Variants in CFAP58 observed in about 807,000 individuals in gnomAD.
CFAP58 encodes the protein cilia and flagella associated protein 58.
In CFAP58, 88 loss-of-function variants were observed where a neutral mutation model predicts 119.5. The observed-to-expected ratio is 0.74, with a 90% CI of 0.62 to 0.88. CFAP58 has a LOEUF of 0.88. CFAP58 is among the 40% of genes least tolerant of loss of function. The probability of loss-of-function intolerance (pLI) is 0.00; values close to 1 mark genes in which losing one functional copy is unlikely to be tolerated. For missense variants in CFAP58, 990 were observed against 1,021.2 expected, an observed-to-expected ratio of 0.97 and a Z score of 0.42; for synonymous variants, 365 against 366.3, an observed-to-expected ratio of 1.00 and a Z score of 0.04.
At chr10:104,383,230 C>T (rs575283739) in intron 9 of CFAP58, among the ~76,000 whole-genome samples, 18 of 152,220 alleles carry the variant, frequency 1.2e-4, no homozygotes, top group African/African-American at 3.1e-4. Context: ...CTTGTCACTT[C>T]GTACTTTTAT....
intron 9 of CFAP58, chr10:104,382,321 G>A: frequency 1.7e-6 from 1 of 602,492 alleles, no homozygotes; most frequent in Non-Finnish European, 3.1e-6. Flanking sequence ...GAGGGGCCCT[G>A]TAGGGTGAGG....
In CFAP58 at chr10:104,454,511, C is replaced by T. The variant is rs546709197; in HGVS notation, c.2600C>T (p.Ser867Leu). ...ACTGGGGGCGGATTTCCTCTCAGGT[C>T]AACCAAAATGACGTTCTAACCTGAA... ...GFTGGGFPLR[S>L]TKMTF is the part of the protein sequence containing the mutation. Residue 867 changes from serine to leucine, a missense_variant, in exon 18 of 18, where the codon TCA (serine) becomes TTA (leucine). Physicochemically the swap from Ser to Leu is moderately radical, Grantham distance 145. Transcript: ENST00000369704. The T allele has an allele frequency of 8.1e-6, 13 of 1,613,424 alleles. No homozygotes were observed. The highest frequency in any genetic ancestry group is 1.1e-5 in the Non-Finnish European group (13 of 1,179,576).
intron 15 of CFAP58, among the ~76,000 whole-genome samples, chr10:104,427,749 C>A (rs1233499946): frequency 6.6e-6 from 1 of 152,176 alleles, no homozygotes; most frequent in Non-Finnish European, 1.5e-5. Context: ...AGAACATTAT[C>A]TTTGCCCCTT....
intron 9 of CFAP58, among the ~76,000 whole-genome samples, chr10:104,390,391 A>G (rs1325227200): frequency 2.0e-5 from 3 of 152,200 alleles, no homozygotes; most frequent in East Asian, 3.8e-4. Flanking sequence ...CCATTTGGCT[A>G]AAAAGTAAAA....
chr10:104,425,774 G>A (rs1054688680), intron 15 of CFAP58, among the ~76,000 whole-genome samples: 3 of 152,188 alleles, frequency 2.0e-5, no homozygotes, highest in South Asian at 2.1e-4. Flanking sequence ...GACATTAGCC[G>A]TTCAAGAGTG....
At chr10:104,414,180 T>G (rs2133059232) in intron 15 of CFAP58, among the ~76,000 whole-genome samples, 1 of 152,272 alleles carries the variant, frequency 6.6e-6, no homozygotes, top group Admixed American at 6.5e-5. Flanking sequence ...TGTCAAATCT[T>G]TAATTTTTAA....
intron 15 of CFAP58, among the ~76,000 whole-genome samples, chr10:104,419,141 A>G (rs183399758): frequency 4.6e-5 from 7 of 152,252 alleles, no homozygotes; most frequent in Admixed American, 2.0e-4. Flanking sequence ...TTTCCTGCAC[A>G]TGCTTCTGCC....
rs2014641847 is a variant in CFAP58 at position 104,359,745 on chromosome 10, A to G, written c.291+1123A>G. Among the ~76,000 whole-genome samples the G allele has an allele frequency of 1.3e-5, 2 of 152,238 alleles. 1 individual carries two copies. The highest frequency in any genetic ancestry group is 4.1e-4 in the South Asian group (2 of 4,830). ...CAGGAGGTGGAGGTTGCAGTGAGCCAAGATTGTGCCACTGCACTCCAGCCT... is the reference window on the plus strand; with the variant it reads ...CAGGAGGTGGAGGTTGCAGTGAGCCGAGATTGTGCCACTGCACTCCAGCCT... On this transcript the variant is annotated intron_variant, in intron 2 of 17. Coordinates refer to ENST00000369704, the MANE Select transcript of CFAP58 (RefSeq NM_001008723.2).
At position 104,380,081 on chromosome 10, in the gene CFAP58, T is replaced by C; in HGVS notation, c.1226T>C (p.Leu409Pro). Residue 409 changes from leucine (L) to proline (P), a missense_variant, in exon 9 of 18, where the codon CTC (leucine) becomes CCC (proline). Physicochemically the swap from Leu to Pro is moderately conservative, Grantham distance 98 (BLOSUM62 -3). Transcript: ENST00000369704. ...ATQKQTDLVK[L>P]HEQAKRNLEG... The stretch of plus-strand genomic sequence containing the variant: ...CAGAAGCAGACAGACTTGGTAAAGC[T>C]CCATGAACAAGCCAAGAGGAACCTG... 1 of 1,614,016 alleles carries C rather than the reference T, an allele frequency of 6.2e-7. No homozygotes were observed. Among genetic ancestry groups the C allele is most frequent in the Non-Finnish European group, 8.5e-7 (1 of 1,179,992 alleles).
intron 3 of CFAP58, among the ~76,000 whole-genome samples, chr10:104,364,427 AACACACACACACACACACAC>A (rs66757511): frequency 1.4e-5 from 2 of 142,146 alleles, no homozygotes; most frequent in South Asian, 2.3e-4. Context: ...ATGTCTGTAA[AACACACACACACACACACAC>A]ACACACACAC....
intron 15 of CFAP58, among the ~76,000 whole-genome samples, chr10:104,443,958 A>G (rs1158479337): frequency 6.6e-6 from 1 of 152,258 alleles, no homozygotes; most frequent in African/African-American, 2.4e-5. Flanking sequence ...AAAAGAATTC[A>G]TAATCACATC....
chr10:104,450,382 T>C (rs1311923478), intron 17 of CFAP58, among the ~76,000 whole-genome samples, 178 bp downstream of exon 17: 8 of 152,228 alleles, frequency 5.3e-5, no homozygotes, highest in Admixed American at 2.0e-4. Flanking sequence ...TCTCATCTGA[T>C]ACTGAGTCCC....
intron 8 of CFAP58, among the ~76,000 whole-genome samples, chr10:104,378,805 A>G (rs925095001): frequency 6.6e-6 from 1 of 152,112 alleles, no homozygotes; most frequent in African/African-American, 2.4e-5. Flanking sequence ...ACACTTTTGC[A>G]TGAGCATGGC....
At chr10:104,363,671 T>C (rs1418895865) in intron 3 of CFAP58, among the ~76,000 whole-genome samples, 1 of 152,252 alleles carries the variant, frequency 6.6e-6, no homozygotes, top group Non-Finnish European at 1.5e-5. Flanking sequence ...TAACTTTCTG[T>C]CTTCATAGTA....
At chr10:104,433,355 C>T (rs905782024) in intron 15 of CFAP58, among the ~76,000 whole-genome samples, 7 of 152,116 alleles carry the variant, frequency 4.6e-5, no homozygotes, top group East Asian at 1.9e-4. Context: ...CCCAGAGCAC[C>T]GGCATTACAG....
At chr10:104,343,493 A>G in the CFAP58 span, among the ~76,000 whole-genome samples, 4 of 152,250 alleles carry the variant, frequency 2.6e-5, no homozygotes, top group Non-Finnish European at 4.4e-5. Flanking sequence ...CGTGGTAGGA[A>G]TCATTAGATT....
chr10:104,357,464 A>T (rs1487480320), intron 1 of CFAP58, among the ~76,000 whole-genome samples: 1 of 152,114 alleles, frequency 6.6e-6, no homozygotes, highest in Non-Finnish European at 1.5e-5. Flanking sequence ...AGATCTTCCT[A>T]TGTCTGGCCT....
chr10:104,366,961 G>T (rs2014759118), intron 5 of CFAP58, among the ~76,000 whole-genome samples: 1 of 152,110 alleles, frequency 6.6e-6, no homozygotes, highest in African/African-American at 2.4e-5. Flanking sequence ...TCCACCTCCT[G>T]GGTTGAAGCG....
At chr10:104,393,516 C>T (rs1456300227) in intron 11 of CFAP58, 41 bp downstream of exon 11, 1 of 1,567,100 alleles carries the variant, frequency 6.4e-7, no homozygotes, top group Non-Finnish European at 8.7e-7. Flanking sequence ...AACAGTTCAT[C>T]AGCCCGCTCA....
Sources: allele counts gnomAD v4.1 joint callset (sites outside exome capture counted in the v4.1 genomes callset), GRCh38; gene constraint gnomAD v4.1.1; transcripts MANE v1.5; gene names NCBI Gene and HGNC (gene_info 2026-07-23, HGNC 2026-07-21).